Variants in MANBA observed in about 807,000 individuals in gnomAD.
MANBA encodes mannosidase beta, also known as beta-mannosidase.
Under a neutral mutation model 111.1 loss-of-function variants are expected in MANBA, and 83 were observed. That is an observed-to-expected ratio of 0.75 (90% confidence interval 0.63 to 0.90). MANBA has a LOEUF of 0.90. Among genes scored for constraint, MANBA ranks in the 40% least tolerant of loss-of-function variants. MANBA has a pLI of 0.00. For synonymous variants in MANBA, 370 were observed against 378.7 expected, an observed-to-expected ratio of 0.98 and a Z score of 0.27; for missense variants, 1,036 against 1,069.0, an observed-to-expected ratio of 0.97 and a Z score of 0.43.
At position 102,669,024 on chromosome 4, in the gene MANBA, C is replaced by T. The variant is rs770246943; in HGVS notation, c.1256G>A (p.Cys419Tyr). 1.9e-6 allele frequency: 3 copies of T among 1,613,326 alleles called. No individual in the cohort carries two copies. The highest frequency in any genetic ancestry group is 2.5e-6 in the Non-Finnish European group (3 of 1,179,694). ...IMVWQDFMFA[C>Y]ALYPTDQGFL... ...GCCCTGATCAGTTGGATAAAGGGCA[C>T]AGGCAAACATAAAATCCTGCCATAC... The change falls in exon 10 of 17, where the codon TGT becomes TAT. Residue 419 changes from cysteine (C) to tyrosine (Y), a missense_variant. Cys to Tyr is a radical substitution (Grantham distance 194). Transcript: ENST00000647097.
chr4:102,756,262 G>A (rs886972059), intron 1 of MANBA, among the ~76,000 whole-genome samples: 3 of 152,148 alleles, frequency 2.0e-5, no homozygotes, highest in African/African-American at 7.2e-5. Flanking sequence ...AAGAAAATGT[G>A]GCACATATAC....
At chr4:102,690,808 T>C (rs1208049180) in intron 5 of MANBA, 37 bp from the exon 6 acceptor site, 1 of 745,470 alleles carries the variant, frequency 1.3e-6, no homozygotes, top group Non-Finnish European at 1.9e-6. Flanking sequence ...TATATATATA[T>C]ATATAATATG....
At chr4:102,671,612 T>C (rs1268605785) in intron 8 of MANBA, among the ~76,000 whole-genome samples, 1 of 152,244 alleles carries the variant, frequency 6.6e-6, no homozygotes. Context: ...TATCTTTACC[T>C]ATTAAATTTT....
At chr4:102,654,059 A>C (rs1326530164) in intron 12 of MANBA, among the ~76,000 whole-genome samples, 3 of 152,150 alleles carry the variant, frequency 2.0e-5, no homozygotes, top group African/African-American at 7.2e-5. Flanking sequence ...AGGGTGGGAG[A>C]TCTATCTGTG....
At chr4:102,688,447 G>T (rs1394755965) in intron 7 of MANBA, among the ~76,000 whole-genome samples, 2 of 148,508 alleles carry the variant, frequency 1.3e-5, no homozygotes, top group Non-Finnish European at 3.0e-5. Context: ...TACACAGCAT[G>T]ATTGAACAAA....
chr4:102,685,139 C>T (rs1182170190), intron 7 of MANBA, among the ~76,000 whole-genome samples: 1 of 152,080 alleles, frequency 6.6e-6, no homozygotes, highest in Admixed American at 6.6e-5. Context: ...GGGGTCATTA[C>T]TGGGGAGGCT....
At chr4:102,701,516 T>C (rs1339893572) in intron 5 of MANBA, among the ~76,000 whole-genome samples, 3 of 152,202 alleles carry the variant, frequency 2.0e-5, no homozygotes, top group Non-Finnish European at 4.4e-5. Flanking sequence ...CCTTTCCATG[T>C]TGAGTGCTTC....
chr4:102,747,008 C>T (rs1313340701), intron 1 of MANBA, among the ~76,000 whole-genome samples: 1 of 151,374 alleles, frequency 6.6e-6, no homozygotes, highest in Non-Finnish European at 1.5e-5. Context: ...GAACCTTTAG[C>T]ATTTTTTGGT....
chr4:102,699,368 G>T (rs922831961), intron 5 of MANBA, among the ~76,000 whole-genome samples: 1 of 151,754 alleles, frequency 6.6e-6, no homozygotes, highest in Non-Finnish European at 1.5e-5. Flanking sequence ...CTGCCTAATT[G>T]CCCTGGCCAG....
intron 1 of MANBA, chr4:102,729,741 A>G: frequency 1.5e-6 from 2 of 1,367,864 alleles, no homozygotes; most frequent in South Asian, 2.3e-5. Context: ...AAGGTTGTTG[A>G]TGTAGCTCTG....
chr4:102,713,959 T>G (rs1722213088), intron 5 of MANBA, among the ~76,000 whole-genome samples: 3 of 152,048 alleles, frequency 2.0e-5, no homozygotes, highest in South Asian at 4.2e-4. Flanking sequence ...ACCTTCCAGT[T>G]TATTTTTAAC....
At chr4:102,714,182 G>C (rs907539572) in intron 5 of MANBA, among the ~76,000 whole-genome samples, 18 of 152,186 alleles carry the variant, frequency 1.2e-4, no homozygotes, top group African/African-American at 4.3e-4. Context: ...GGAAAACTTG[G>C]CGCTGCTCTT....
rs148511047 is a variant in MANBA at position 102,680,755 on chromosome 4, T to G, written c.961-6685A>C. On this transcript the variant is annotated intron_variant, in intron 7 of 16. Transcript: ENST00000647097. ...ATGCAGCATCTTTTATCCTGGCCCA[T>G]AGCAGAGGTTTATGAAATAATAATC... Among the ~76,000 whole-genome samples, 359 of 152,350 alleles carry G rather than the reference T, an allele frequency of 2.4e-3. 2 individuals are homozygous for G. Among genetic ancestry groups the G allele is most frequent in the Non-Finnish European group, 4.5e-3 (307 of 68,024 alleles).
intron 1 of MANBA, among the ~76,000 whole-genome samples, chr4:102,748,087 A>C (rs1241347843): frequency 1.3e-5 from 2 of 152,230 alleles, no homozygotes; most frequent in African/African-American, 2.4e-5. Context: ...CTCTGAGATG[A>C]AGCCAGGAGG....
At chr4:102,653,132 C>T (rs1730410091) in intron 12 of MANBA, among the ~76,000 whole-genome samples, 1 of 152,098 alleles carries the variant, frequency 6.6e-6, no homozygotes, top group Admixed American at 6.6e-5. Context: ...CATGGGCTCT[C>T]ACTGTGTCAG....
intron 5 of MANBA, among the ~76,000 whole-genome samples, chr4:102,713,073 C>CA (rs1469810089): frequency 6.6e-6 from 1 of 152,140 alleles, no homozygotes; most frequent in Admixed American, 6.5e-5. Context: ...CCAACAGCAC[C>CA]AAATAACCTC....
chr4:102,693,711 A>G (rs1423353450), intron 5 of MANBA, among the ~76,000 whole-genome samples: 3 of 152,188 alleles, frequency 2.0e-5, no homozygotes, highest in African/African-American at 7.2e-5. Flanking sequence ...ACAACAGTAG[A>G]GTTGAGTAGT....
intron 5 of MANBA, among the ~76,000 whole-genome samples, chr4:102,709,676 A>G (rs549608760): frequency 6.6e-6 from 1 of 152,318 alleles, no homozygotes; most frequent in South Asian, 2.1e-4. Context: ...TCAAAACCAC[A>G]CAGAGAGGCA....
At chr4:102,662,807 C>G (rs1016247294) in intron 11 of MANBA, 1 of 157,188 alleles carries the variant, frequency 6.4e-6, no homozygotes, top group African/African-American at 2.4e-5. Context: ...ACTGTGCTAC[C>G]CAGCATGCTG....
Sources: gnomAD v4.1 joint callset for allele counts (sites outside exome capture counted in the v4.1 genomes callset) on GRCh38, gnomAD v4.1.1 for gene constraint, MANE v1.5 for transcripts, NCBI Gene and HGNC (gene_info 2026-07-23, HGNC 2026-07-21) for gene names.